KIAA1217: variants seen among roughly 807,000 people sequenced by gnomAD.
KIAA1217 encodes sickle tail protein homolog.
In KIAA1217, 88 loss-of-function variants were observed where a neutral mutation model predicts 163.9. That is an observed-to-expected ratio of 0.54 (90% CI 0.45 to 0.64). The LOEUF (loss-of-function observed/expected upper bound fraction) is 0.64. Among genes scored for constraint, KIAA1217 ranks in the 30% least tolerant of loss-of-function variants. KIAA1217 has a pLI of 0.00. For synonymous variants in KIAA1217, 903 were observed against 923.1 expected (o/e 0.98, Z 0.39); for missense variants, 2,372 against 2,475.0 (o/e 0.96, Z 0.88).
intron 5 of KIAA1217, among the ~76,000 whole-genome samples, chr10:24,443,904 T>C (rs924270234): frequency 6.6e-6 from 1 of 152,180 alleles, no homozygotes; most frequent in African/African-American, 2.4e-5. Context: ...AACAAAATGG[T>C]AAAATGTTGA....
intron 2 of KIAA1217, among the ~76,000 whole-genome samples, chr10:24,010,824 C>T (rs1564608889): frequency 6.6e-6 from 1 of 152,068 alleles, no homozygotes; most frequent in Non-Finnish European, 1.5e-5. Context: ...CATCTGTCAC[C>T]CCAAATACTG....
intron 3 of KIAA1217, among the ~76,000 whole-genome samples, chr10:24,416,250 A>G (rs905758336): frequency 1.3e-5 from 2 of 152,258 alleles, no homozygotes; most frequent in African/African-American, 4.8e-5. Flanking sequence ...ATACCCTAAA[A>G]GCAGCTCAGC....
At chr10:23,701,684 TA>T (rs1564349342) in intron 1 of KIAA1217, among the ~76,000 whole-genome samples, 2 of 152,228 alleles carry the variant, frequency 1.3e-5, no homozygotes, top group Non-Finnish European at 2.9e-5. Context: ...ATAAATAGCC[TA>T]AATAAATACT....
intron 1 of KIAA1217, among the ~76,000 whole-genome samples, chr10:23,982,728 T>A (rs1201492487): frequency 6.6e-6 from 1 of 151,876 alleles, no homozygotes; most frequent in Non-Finnish European, 1.5e-5. Context: ...CACACCCAGC[T>A]AATTTTTGTA....
intron 1 of KIAA1217, among the ~76,000 whole-genome samples, chr10:23,705,548 T>C (rs978766762): frequency 6.6e-6 from 1 of 152,186 alleles, no homozygotes; most frequent in East Asian, 1.9e-4. Flanking sequence ...CAATTGACCA[T>C]AAATGTGAGG....
intron 1 of KIAA1217, among the ~76,000 whole-genome samples, chr10:23,818,173 A>AT (rs1292207806): frequency 6.9e-6 from 1 of 143,968 alleles, no homozygotes; most frequent in East Asian, 2.0e-4. Context: ...GCCATGTACG[A>AT]TGACATCAAT....
intron 2 of KIAA1217, among the ~76,000 whole-genome samples, chr10:24,307,673 A>G (rs1195090438): frequency 1.3e-5 from 2 of 151,962 alleles, no homozygotes; most frequent in South Asian, 2.1e-4. Flanking sequence ...TCCCAGCTAC[A>G]TGAGAGGCTG....
At chr10:24,347,712 A>G (rs555416769) in intron 2 of KIAA1217, among the ~76,000 whole-genome samples, 2 of 152,374 alleles carry the variant, frequency 1.3e-5, no homozygotes, top group African/African-American at 2.4e-5. Flanking sequence ...ATGCAAACAT[A>G]CATTAAAAGA....
chr10:24,513,568 C>T, intron 10 of KIAA1217, 134 bp downstream of exon 10: 2 of 776,622 alleles, frequency 2.6e-6, no homozygotes, highest in Non-Finnish European at 4.1e-6. Context: ...AGTTAGAGTT[C>T]TGCTGATGCT....
intron 2 of KIAA1217, among the ~76,000 whole-genome samples, chr10:24,234,128 A>C (rs2071842931): frequency 6.6e-6 from 1 of 152,188 alleles, no homozygotes; most frequent in African/African-American, 2.4e-5. Context: ...CTGAAAATCC[A>C]AAATGAAATG....
At chr10:24,364,113 A>G (rs220336) in intron 2 of KIAA1217, among the ~76,000 whole-genome samples, 94,621 of 151,412 alleles carry the variant, frequency 0.62, 30,368 homozygotes, top group South Asian at 0.76. Context: ...TGAGTAGCTG[A>G]GATTACAGGC....
At chr10:23,953,205 G>A (rs1844415142) in intron 1 of KIAA1217, among the ~76,000 whole-genome samples, 1 of 152,178 alleles carries the variant, frequency 6.6e-6, no homozygotes, top group African/African-American at 2.4e-5. Context: ...TTCTAACAGT[G>A]TTTTAGTTGG....
intron 1 of KIAA1217, among the ~76,000 whole-genome samples, chr10:23,818,094 T>TAC (rs1175959531): frequency 1.8e-3 from 216 of 116,922 alleles, no homozygotes; most frequent in Non-Finnish European, 2.6e-3. Context: ...TAGATATACA[T>TAC]ACACACACAC....
At chr10:24,366,118 A>G (rs909686167) in intron 2 of KIAA1217, among the ~76,000 whole-genome samples, 5 of 152,194 alleles carry the variant, frequency 3.3e-5, no homozygotes, top group Non-Finnish European at 5.9e-5. Flanking sequence ...ACAAAAAAAT[A>G]TTTCACTGCC....
chr10:24,065,435 C>G (rs1411794815), intron 2 of KIAA1217, among the ~76,000 whole-genome samples: 1 of 152,126 alleles, frequency 6.6e-6, no homozygotes, highest in African/African-American at 2.4e-5. Context: ...TGTTCAGTTT[C>G]CATGTAGTTG....
At chr10:23,826,631 T>C (rs1291978923) in intron 1 of KIAA1217, among the ~76,000 whole-genome samples, 1 of 151,940 alleles carries the variant, frequency 6.6e-6, no homozygotes, top group Non-Finnish European at 1.5e-5. Context: ...GTGGATGGAG[T>C]TCAAGTAGCG....
intron 1 of KIAA1217, among the ~76,000 whole-genome samples, chr10:23,930,146 G>A (rs117178284): frequency 0.019 from 2,943 of 151,964 alleles, 58 homozygotes; most frequent in Admixed American, 0.062. Flanking sequence ...GACTGATGTT[G>A]AGCATTTTTT....
At chr10:23,847,453 G>C (rs957546830) in intron 1 of KIAA1217, among the ~76,000 whole-genome samples, 1 of 152,084 alleles carries the variant, frequency 6.6e-6, no homozygotes, top group Non-Finnish European at 1.5e-5. Flanking sequence ...GTTTAAACTC[G>C]GGAGGGTGTA....
chr10:24,066,877 C>T (rs2060972246), intron 2 of KIAA1217, among the ~76,000 whole-genome samples: 1 of 152,152 alleles, frequency 6.6e-6, no homozygotes, highest in Non-Finnish European at 1.5e-5. Context: ...TCTCTTCACA[C>T]TTCATTTCAT....
Sources: allele counts gnomAD v4.1 joint callset (sites outside exome capture counted in the v4.1 genomes callset), GRCh38; gene constraint gnomAD v4.1.1; transcripts MANE v1.5; gene names NCBI Gene and HGNC (gene_info 2026-07-23, HGNC 2026-07-21).